Variants in C1orf21 observed in about 807,000 individuals in gnomAD.
C1orf21 encodes uncharacterized protein C1orf21.
In C1orf21, 3 loss-of-function variants were observed where a neutral mutation model predicts 18.7. The observed-to-expected ratio is 0.16, with a 90% CI of 0.07 to 0.42. C1orf21 has a LOEUF of 0.42. C1orf21 is among the 10% of genes least tolerant of loss of function. The probability of loss-of-function intolerance (pLI) is 0.99; values close to 1 mark genes in which losing one functional copy is unlikely to be tolerated. For synonymous variants in C1orf21, 41 were observed against 46.4 expected (o/e 0.88, Z 0.47); for missense variants, 104 against 143.6 (o/e 0.72, Z 1.41).
At chr1:184,527,197 T>TG (rs1424033938) in intron 3 of C1orf21, among the ~76,000 whole-genome samples, 4 of 152,228 alleles carry the variant, frequency 2.6e-5, no homozygotes, top group African/African-American at 9.6e-5. Context: ...TGGTGAGTCT[T>TG]GGGAATATCC....
At chr1:184,425,628 C>T (rs1239879714) in intron 1 of C1orf21, among the ~76,000 whole-genome samples, 3 of 152,116 alleles carry the variant, frequency 2.0e-5, no homozygotes, top group Non-Finnish European at 4.4e-5. Context: ...AGTCTTGCCT[C>T]CCTCTGTTGT....
chr1:184,410,977 C>T (rs922079308), intron 1 of C1orf21, among the ~76,000 whole-genome samples: 3 of 151,870 alleles, frequency 2.0e-5, no homozygotes, highest in African/African-American at 7.3e-5. Context: ...CCCCCTAAAT[C>T]TCTGCATCAA....
chr1:184,616,076 T>G (rs12239499), intron 5 of C1orf21, among the ~76,000 whole-genome samples: 4 of 152,120 alleles, frequency 2.6e-5, no homozygotes, highest in Non-Finnish European at 4.4e-5. Flanking sequence ...AAGCCTACTA[T>G]CCTTTGCACA....
intron 1 of C1orf21, among the ~76,000 whole-genome samples, chr1:184,465,234 TTTC>T (rs1657372508): frequency 6.6e-6 from 1 of 152,240 alleles, no homozygotes; most frequent in African/African-American, 2.4e-5. Flanking sequence ...CTAATTTGTC[TTTC>T]TCTTAGAAAA....
At chr1:184,388,385 A>T (rs916372669) in intron 1 of C1orf21, among the ~76,000 whole-genome samples, 1 of 152,218 alleles carries the variant, frequency 6.6e-6, no homozygotes, top group Non-Finnish European at 1.5e-5. Flanking sequence ...TTTGTTTTCA[A>T]TAGGAAGTCG....
At chr1:184,453,663 T>A (rs543598190) in intron 1 of C1orf21, among the ~76,000 whole-genome samples, 1 of 152,232 alleles carries the variant, frequency 6.6e-6, no homozygotes, top group East Asian at 1.9e-4. Context: ...CAAAACTTTT[T>A]TTTTATTAGG....
chr1:184,522,997 G>A (rs887194524), intron 3 of C1orf21, among the ~76,000 whole-genome samples: 1 of 152,098 alleles, frequency 6.6e-6, no homozygotes, highest in African/African-American at 2.4e-5. Flanking sequence ...CTTACAAAGG[G>A]TACACTTTAT....
At chr1:184,425,016 T>C (rs1656611192) in intron 1 of C1orf21, among the ~76,000 whole-genome samples, 1 of 152,214 alleles carries the variant, frequency 6.6e-6, no homozygotes, top group Non-Finnish European at 1.5e-5. Flanking sequence ...GGTGGAGGTC[T>C]TTAACTTAAT....
At chr1:184,472,067 G>C (rs947487606) in intron 1 of C1orf21, among the ~76,000 whole-genome samples, 1 of 151,852 alleles carries the variant, frequency 6.6e-6, no homozygotes, top group Non-Finnish European at 1.5e-5. Flanking sequence ...CCCTCGGTGG[G>C]CTGCTGTATT....
At chr1:184,613,829 G>A (rs775550439) in intron 5 of C1orf21, among the ~76,000 whole-genome samples, 1 of 152,068 alleles carries the variant, frequency 6.6e-6, no homozygotes, top group Non-Finnish European at 1.5e-5. Context: ...ATGATGGTGC[G>A]ATGGAAGGAC....
chr1:184,515,141 T>G (rs1658204550), intron 3 of C1orf21, among the ~76,000 whole-genome samples: 1 of 152,220 alleles, frequency 6.6e-6, no homozygotes, highest in South Asian at 2.1e-4. Flanking sequence ...GAAGATGCCA[T>G]TCTTGGCTAT....
chr1:184,486,694 T>C (rs1197245936), intron 2 of C1orf21, among the ~76,000 whole-genome samples: 1 of 152,184 alleles, frequency 6.6e-6, no homozygotes, highest in Admixed American at 6.5e-5. Context: ...CTATACTTTC[T>C]ATATTAAAAA....
chr1:184,509,411 C>T (rs1003648031), intron 3 of C1orf21, among the ~76,000 whole-genome samples: 4 of 152,218 alleles, frequency 2.6e-5, no homozygotes, highest in Non-Finnish European at 5.9e-5. Flanking sequence ...CGCCCCTTTG[C>T]TCTGCCAGCC....
At chr1:184,397,413 C>T (rs1422696204) in intron 1 of C1orf21, among the ~76,000 whole-genome samples, 11 of 152,116 alleles carry the variant, frequency 7.2e-5, no homozygotes, top group East Asian at 5.8e-4. Flanking sequence ...GGTGAAACCC[C>T]GTCTCTACTA....
At chr1:184,467,733 A>G (rs1000317266) in intron 1 of C1orf21, among the ~76,000 whole-genome samples, 1 of 152,174 alleles carries the variant, frequency 6.6e-6, no homozygotes, top group Non-Finnish European at 1.5e-5. Flanking sequence ...ATTCCATTAC[A>G]TAATAATGAT....
intron 3 of C1orf21, among the ~76,000 whole-genome samples, chr1:184,555,914 C>T (rs1005330317): frequency 6.6e-6 from 1 of 152,144 alleles, no homozygotes; most frequent in Non-Finnish European, 1.5e-5. Flanking sequence ...AAAAGGGATC[C>T]CTGAGGAGAT....
At chr1:184,416,035 C>CA (rs1435973168) in intron 1 of C1orf21, among the ~76,000 whole-genome samples, 1 of 152,074 alleles carries the variant, frequency 6.6e-6, no homozygotes, top group Non-Finnish European at 1.5e-5. Context: ...CAGTCCTAGG[C>CA]AAAAAGGATT....
chr1:184,568,141 C>G (rs193237788), intron 3 of C1orf21, among the ~76,000 whole-genome samples: 1 of 152,200 alleles, frequency 6.6e-6, no homozygotes, highest in Non-Finnish European at 1.5e-5. Context: ...GGCTAGAGCC[C>G]AGGCATTCTC....
At chr1:184,442,002 G>A (rs1194109861) in intron 1 of C1orf21, among the ~76,000 whole-genome samples, 2 of 152,126 alleles carry the variant, frequency 1.3e-5, no homozygotes, top group Admixed American at 6.5e-5. Flanking sequence ...GAACAGACTG[G>A]TAATAAAGTG....
Sources: gnomAD v4.1 joint callset for allele counts (sites outside exome capture counted in the v4.1 genomes callset) on GRCh38, gnomAD v4.1.1 for gene constraint, MANE v1.5 for transcripts, NCBI Gene and HGNC (gene_info 2026-07-23, HGNC 2026-07-21) for gene names.